Variants in PTPRN2 observed in about 807,000 individuals in gnomAD.
PTPRN2 encodes protein tyrosine phosphatase receptor type N2, also known as receptor-type tyrosine-protein phosphatase N2.
A neutral mutation model predicts 118.8 loss-of-function variants in PTPRN2; 74 were observed. The observed-to-expected ratio is 0.62, with a 90% CI of 0.52 to 0.76. The LOEUF (loss-of-function observed/expected upper bound fraction) is 0.76, where lower values mean the gene tolerates loss of function less well. Among genes scored for constraint, PTPRN2 ranks in the 30% least tolerant of loss-of-function variants. The pLI is 0.00. For missense variants in PTPRN2, 1,481 were observed against 1,394.4 expected (o/e 1.06, Z -0.99); for synonymous variants, 641 against 608.0 (o/e 1.05, Z -0.80).
At chr7:158,037,346 C>T (rs1178377798) in intron 11 of PTPRN2, among the ~76,000 whole-genome samples, 1 of 152,208 alleles carries the variant, frequency 6.6e-6, no homozygotes, top group African/African-American at 2.4e-5. Context: ...AGACATACAT[C>T]GTTAGCTGAT....
intron 2 of PTPRN2, among the ~76,000 whole-genome samples, chr7:158,348,399 C>G (rs10243046): frequency 7.8e-5 from 1 of 12,758 alleles, no homozygotes; most frequent in Non-Finnish European, 1.5e-4. Flanking sequence ...CCCTGGGGTC[C>G]CCATTCACAG....
chr7:158,490,043 G>A (rs1036916215), intron 1 of PTPRN2, among the ~76,000 whole-genome samples: 9 of 152,216 alleles, frequency 5.9e-5, no homozygotes, highest in African/African-American at 2.2e-4. Flanking sequence ...TGGGCTGAGG[G>A]TCAAGCCGGC....
intron 12 of PTPRN2, among the ~76,000 whole-genome samples, chr7:157,793,819 G>C (rs900624563): frequency 5.3e-5 from 8 of 152,172 alleles, no homozygotes; most frequent in Admixed American, 6.5e-5. Flanking sequence ...CCATGGCTTA[G>C]AAGCAGTAAT....
intron 11 of PTPRN2, among the ~76,000 whole-genome samples, chr7:158,067,709 G>C (rs916326099): frequency 6.6e-6 from 1 of 152,126 alleles, no homozygotes; most frequent in Non-Finnish European, 1.5e-5. Flanking sequence ...GAGTGAGCGA[G>C]TGACAGAGTG....
At chr7:158,465,447 A>G (rs1254434145) in intron 2 of PTPRN2, among the ~76,000 whole-genome samples, 1 of 152,144 alleles carries the variant, frequency 6.6e-6, no homozygotes, top group Non-Finnish European at 1.5e-5. Flanking sequence ...TCATGAGGGC[A>G]TTTTTTCATT....
chr7:158,100,658 T>C (rs368959984), intron 10 of PTPRN2, among the ~76,000 whole-genome samples: 24 of 152,222 alleles, frequency 1.6e-4, no homozygotes, highest in African/African-American at 5.1e-4. Flanking sequence ...ATTAGTGATG[T>C]TGGGCATTTT....
intron 3 of PTPRN2, among the ~76,000 whole-genome samples, chr7:158,210,167 GCT>G (rs1235472511): frequency 8.2e-6 from 1 of 121,770 alleles, no homozygotes; most frequent in Non-Finnish European, 1.6e-5. Context: ...ACGGAGTCTC[GCT>G]CTGTCGCCCA....
Position 157,987,084 on chromosome 7 carries a change from G to A in PTPRN2, c.1724-88347C>T, listed in dbSNP as rs1585146089. Among the ~76,000 whole-genome samples the A allele has an allele frequency of 6.6e-6, 1 of 152,314 alleles. No individual in the cohort carries two copies. Among genetic ancestry groups the A allele is most frequent in the Middle Eastern group, 3.4e-3 (1 of 294 alleles). On this transcript the variant is annotated intron_variant, in intron 11 of 22. Transcript: ENST00000389418. This position sits in a 1 kb window ranked among gnomAD's most constrained non-coding sequence, Gnocchi z 4.3. ...AGTGATGATCCCCCTCCACCAGCCA[G>A]TGGGGAATGAGCCCGTGAAGGTCAC...
In PTPRN2 at chr7:157,596,999, G is replaced by A. The variant is rs751389542; in HGVS notation, c.2419-1684C>T. Among the ~76,000 whole-genome samples, 1 of 152,156 alleles carries A rather than the reference G, an allele frequency of 6.6e-6. No individual in the cohort carries two copies. Among genetic ancestry groups the A allele is most frequent in the Non-Finnish European group, 1.5e-5 (1 of 68,034 alleles). ...CATTTGGGAAGCTGACGTGGGGCAC[G>A]TTTTCTTTAACAGCGAGCCAGTGAG... On this transcript the variant is annotated intron_variant, in intron 16 of 22. Transcript: ENST00000389418. The surrounding 1 kb of genome is among the most constrained non-coding windows in gnomAD (Gnocchi z 4.2).
intron 14 of PTPRN2, among the ~76,000 whole-genome samples, chr7:157,624,656 C>T (rs759858289): frequency 5.3e-5 from 8 of 152,308 alleles, no homozygotes; most frequent in South Asian, 2.1e-4. Flanking sequence ...CTATTTAATG[C>T]GTGTTGCTTC....
At chr7:158,466,312 C>T (rs543947314) in intron 2 of PTPRN2, among the ~76,000 whole-genome samples, 2 of 152,254 alleles carry the variant, frequency 1.3e-5, no homozygotes, top group East Asian at 3.9e-4. Context: ...CTTCTCATTC[C>T]TCGCCACTCC....
intron 2 of PTPRN2, among the ~76,000 whole-genome samples, chr7:158,348,938 G>C (rs1807740256): frequency 7.6e-6 from 1 of 131,072 alleles, no homozygotes; most frequent in Non-Finnish European, 1.6e-5. Context: ...CCCCTGGGTG[G>C]TCCCTGAGGG....
intron 2 of PTPRN2, among the ~76,000 whole-genome samples, chr7:158,456,827 G>A (rs972584657): frequency 1.3e-5 from 2 of 152,024 alleles, no homozygotes; most frequent in East Asian, 3.9e-4. Flanking sequence ...CAGGCTGGAC[G>A]GCGGTGACAC....
At position 157,903,509 on chromosome 7, in the gene PTPRN2, T is replaced by C. The variant is rs1797587890; in HGVS notation, c.1724-4772A>G. ...TTAAAAATACGGATAAGTGAACAGA[T>C]GTGCCACCGACAACCCTCCCACATG... is the stretch of plus-strand genomic sequence containing the variant. On this transcript the variant is annotated intron_variant, in intron 11 of 22. Transcript: ENST00000389418. This position sits in a 1 kb window ranked among gnomAD's most constrained non-coding sequence, Gnocchi z 4.2. Among the ~76,000 whole-genome samples the C allele has an allele frequency of 6.6e-6, 1 of 152,126 alleles. No individual in the cohort carries two copies. Among genetic ancestry groups the C allele is most frequent in the South Asian group, 2.1e-4 (1 of 4,810 alleles).
At chr7:158,503,984 T>C (rs1822564842) in intron 1 of PTPRN2, among the ~76,000 whole-genome samples, 1 of 125,738 alleles carries the variant, frequency 8.0e-6, no homozygotes, top group South Asian at 2.6e-4. Flanking sequence ...TGAGACTGTC[T>C]CAAAAAAAAA....
intron 10 of PTPRN2, among the ~76,000 whole-genome samples, chr7:158,098,841 G>A (rs1034832962): frequency 6.6e-6 from 1 of 152,040 alleles, no homozygotes; most frequent in Non-Finnish European, 1.5e-5. Flanking sequence ...GTGGGGGACG[G>A]GGAACGGGGC....
At chr7:157,907,214 C>T (rs926275365) in intron 11 of PTPRN2, among the ~76,000 whole-genome samples, 11 of 152,184 alleles carry the variant, frequency 7.2e-5, no homozygotes, top group Admixed American at 1.3e-4. Flanking sequence ...AACGTGGGCT[C>T]GGAGAGGACC....
chr7:158,323,676 C>G (rs1178229080), intron 2 of PTPRN2, among the ~76,000 whole-genome samples: 1 of 152,090 alleles, frequency 6.6e-6, no homozygotes, highest in African/African-American at 2.4e-5. Context: ...AACAGTGGTC[C>G]TTAGAGCACT....
intron 3 of PTPRN2, among the ~76,000 whole-genome samples, chr7:158,280,059 C>A (rs1251562690): frequency 6.6e-6 from 1 of 152,204 alleles, no homozygotes; most frequent in Admixed American, 6.5e-5. Context: ...CCGCTGCCCC[C>A]AAACTGCACC....
Sources: allele counts gnomAD v4.1 joint callset (sites outside exome capture counted in the v4.1 genomes callset), GRCh38; gene constraint gnomAD v4.1.1; non-coding constraint Gnocchi (gnomAD v3.1); transcripts MANE v1.5; gene names NCBI Gene and HGNC (gene_info 2026-07-23, HGNC 2026-07-21).